Variants in GLB1 observed in about 807,000 individuals in gnomAD.
GLB1 encodes the protein beta-galactosidase.
A neutral mutation model predicts 74.0 loss-of-function variants in GLB1; 56 were observed. That is an observed-to-expected ratio of 0.76 (90% CI 0.61 to 0.94). The LOEUF (loss-of-function observed/expected upper bound fraction) is 0.94, where lower values mean the gene tolerates loss of function less well. GLB1 is among the 40% of genes least tolerant of loss of function. GLB1 has a pLI of 0.00. For synonymous variants in GLB1, 323 were observed against 323.6 expected (o/e 1.00, Z 0.02); for missense variants, 787 against 845.5 (o/e 0.93, Z 0.86).
At chr3:33,016,663 G>C (rs1697247363) in intron 14 of GLB1, 46 bp downstream of exon 14, 1 of 1,610,550 alleles carries the variant, frequency 6.2e-7, no homozygotes, top group Admixed American at 1.7e-5. Flanking sequence ...CAACTTCTAA[G>C]TTGTCACCCC....
At chr3:33,062,245 A>G (rs6768988) in intron 5 of GLB1, among the ~76,000 whole-genome samples, 148,049 of 152,236 alleles carry the variant, frequency 0.97, 72,106 homozygotes, top group East Asian at 1. Context: ...ACGGCTCACC[A>G]CAGCCCCAAC....
intron 1 of GLB1, among the ~76,000 whole-genome samples, chr3:33,087,291 C>T (rs1039982055): frequency 5.3e-5 from 8 of 152,002 alleles, no homozygotes; most frequent in African/African-American, 1.7e-4. Context: ...TCAAAGAGGC[C>T]GGGTACGGTG....
At chr3:32,991,186 G>A in the GLB1 span, among the ~76,000 whole-genome samples, 291 of 152,220 alleles carry the variant, frequency 1.9e-3, no homozygotes, top group African/African-American at 5.8e-3. Context: ...TTTCCTGCCT[G>A]TGTCCAGTTA....
intron 10 of GLB1, chr3:33,034,456 G>C: frequency 1.4e-6 from 1 of 731,710 alleles, no homozygotes; most frequent in Non-Finnish European, 2.5e-6. Flanking sequence ...AGTGGAAGGA[G>C]AGCAGAAGCT....
chr3:33,048,007 C>T (rs897746061), intron 9 of GLB1, among the ~76,000 whole-genome samples: 3 of 152,038 alleles, frequency 2.0e-5, no homozygotes, highest in Non-Finnish European at 4.4e-5. Flanking sequence ...CTTTGTGGCC[C>T]TCGTCTGCTT....
At chr3:32,983,201 T>A in the GLB1 span, among the ~76,000 whole-genome samples, 2 of 152,206 alleles carry the variant, frequency 1.3e-5, no homozygotes, top group African/African-American at 4.8e-5. Context: ...CTCTACTTCA[T>A]CTTATCTTCT....
the GLB1 span, among the ~76,000 whole-genome samples, chr3:32,967,760 CA>C: frequency 2.6e-5 from 4 of 152,144 alleles, no homozygotes; most frequent in African/African-American, 9.7e-5. Flanking sequence ...GCCTCAGGGC[CA>C]GGGGAGACCT....
At chr3:33,094,233 G>A in intron 1 of GLB1, 1 of 1,540,722 alleles carries the variant, frequency 6.5e-7, no homozygotes, top group Non-Finnish European at 8.7e-7. Context: ...CCAGTTCTGT[G>A]CTGGTGGACT....
intron 12 of GLB1, among the ~76,000 whole-genome samples, chr3:33,020,838 G>A (rs1020389529): frequency 1.3e-5 from 2 of 152,140 alleles, no homozygotes; most frequent in African/African-American, 2.4e-5. Flanking sequence ...GATGTATGCT[G>A]TGGAGTGACA....
At chr3:33,015,111 G>A (rs2125464573) in intron 14 of GLB1, among the ~76,000 whole-genome samples, 1 of 152,186 alleles carries the variant, frequency 6.6e-6, no homozygotes, top group East Asian at 1.9e-4. Context: ...AGCCGAGATT[G>A]TGCCACTGCG....
At position 33,074,385 on chromosome 3, in the gene GLB1, G is replaced by GAAAGAAAGA. The variant is rs1338351259; in HGVS notation, c.76-1673_76-1672insTCTTTCTTT. On this transcript the variant is annotated intron_variant, in intron 1 of 15. Transcript: ENST00000307363. The stretch of plus-strand genomic sequence containing the variant: ...GGAAGGAAGGAAGGAAGGAAGGAAG[G>GAAAGAAAGA]AAGGAAGAAAGAAAGAAAGAAAGAA... Among the ~76,000 whole-genome samples, 38 of 19,864 alleles carry GAAAGAAAGA rather than the reference G, an allele frequency of 1.9e-3. 4 individuals are homozygous for GAAAGAAAGA. The highest frequency in any genetic ancestry group is 3.3e-3 in the South Asian group (1 of 304). The allele number at this position is 19,864 out of a possible 152,430, so 13.0% of individuals were successfully genotyped here.
At chr3:33,018,280 T>TGGTTTTTGCTGG (rs1697318197) in intron 13 of GLB1, among the ~76,000 whole-genome samples, 168 bp downstream of exon 13, 1 of 72,258 alleles carries the variant, frequency 1.4e-5, no homozygotes, top group African/African-American at 6.3e-5. Flanking sequence ...AGCAAAACCC[T>TGGTTTTTGCTGG]GTCTCAAAAA....
intron 1 of GLB1, among the ~76,000 whole-genome samples, chr3:33,078,083 T>C (rs1196165518): frequency 6.6e-6 from 1 of 151,840 alleles, no homozygotes; most frequent in Non-Finnish European, 1.5e-5. Context: ...TTAAAATAAA[T>C]AAACAAACAA....
the GLB1 span, among the ~76,000 whole-genome samples, chr3:32,980,828 C>T: frequency 2.0e-5 from 3 of 151,710 alleles, no homozygotes; most frequent in East Asian, 1.9e-4. Flanking sequence ...CAGTGGCTCA[C>T]GCCCCTAATC....
At chr3:33,048,105 A>G (rs1045751590) in intron 9 of GLB1, among the ~76,000 whole-genome samples, 1 of 151,970 alleles carries the variant, frequency 6.6e-6, no homozygotes, top group Admixed American at 6.5e-5. Context: ...AGGGGCAGAG[A>G]CTGTGCCTCA....
intron 1 of GLB1, among the ~76,000 whole-genome samples, chr3:33,086,367 TGAG>T (rs1368232027): frequency 6.6e-6 from 1 of 152,020 alleles, no homozygotes; most frequent in Non-Finnish European, 1.5e-5. Flanking sequence ...ACATAATTAA[TGAG>T]GAGAGTTCTT....
At chr3:33,018,285 CAAAAAAAAAAAAAAAAAAAAAAAAA>C (rs57833238) in intron 13 of GLB1, among the ~76,000 whole-genome samples, 138 bp downstream of exon 13, 4 of 41,970 alleles carry the variant, frequency 9.5e-5, no homozygotes, top group African/African-American at 2.4e-4. Flanking sequence ...AACCCTGTCT[CAAAAAAAAAAAAAAAAAAAAAAAAA>C]AAAAAAAAAA....
intron 6 of GLB1, among the ~76,000 whole-genome samples, chr3:33,057,071 C>T (rs983022078): frequency 4.6e-5 from 7 of 152,204 alleles, no homozygotes; most frequent in Admixed American, 1.3e-4. Context: ...GCGACTGGAT[C>T]GTGGGGGCAA....
chr3:33,092,205 A>G, intron 1 of GLB1: 1 of 985,840 alleles, frequency 1.0e-6, no homozygotes, highest in Non-Finnish European at 1.2e-6. Context: ...ACAGTTAAAT[A>G]GCATCCCTCA....
Sources: allele counts gnomAD v4.1 joint callset (sites outside exome capture counted in the v4.1 genomes callset), GRCh38; gene constraint gnomAD v4.1.1; transcripts MANE v1.5; gene names NCBI Gene and HGNC (gene_info 2026-07-23, HGNC 2026-07-21).